RABGAP1: variants seen among roughly 807,000 people sequenced by gnomAD.
The protein encoded by RABGAP1 is rab GTPase-activating protein 1.
Under a neutral mutation model 137.6 loss-of-function variants are expected in RABGAP1, and 23 were observed. The ratio of observed to expected loss-of-function variants is 0.17; its 90% confidence interval spans 0.12 to 0.24. The LOEUF (loss-of-function observed/expected upper bound fraction) is 0.24. RABGAP1 is among the 10% of genes least tolerant of loss of function. The probability of loss-of-function intolerance (pLI) is 1.00; values close to 1 mark genes in which losing one functional copy is unlikely to be tolerated. For missense variants in RABGAP1, 906 were observed against 1,275.8 expected, an observed-to-expected ratio of 0.71 and a Z score of 4.42; for synonymous variants, 451 against 450.7, an observed-to-expected ratio of 1.00 and a Z score of -0.01.
At chr9:123,039,688 G>A (rs760485837) in intron 13 of RABGAP1, among the ~76,000 whole-genome samples, 1 of 152,186 alleles carries the variant, frequency 6.6e-6, no homozygotes, top group East Asian at 1.9e-4. Context: ...ACTTCAGGCA[G>A]TGCTTTCAAA....
intron 13 of RABGAP1, among the ~76,000 whole-genome samples, chr9:123,041,748 A>G (rs2032962766): frequency 6.6e-6 from 1 of 152,206 alleles, no homozygotes; most frequent in Non-Finnish European, 1.5e-5. Flanking sequence ...GAGGAAGAGG[A>G]GCAAAAAGAA....
At chr9:123,041,397 G>T (rs1355980322) in intron 13 of RABGAP1, among the ~76,000 whole-genome samples, 9 of 152,110 alleles carry the variant, frequency 5.9e-5, no homozygotes, top group Non-Finnish European at 1.2e-4. Flanking sequence ...TATAGGTGAG[G>T]AAACATAGGC....
intron 1 of RABGAP1, among the ~76,000 whole-genome samples, chr9:122,953,309 A>G (rs1174190984): frequency 6.6e-6 from 1 of 152,114 alleles, no homozygotes; most frequent in Non-Finnish European, 1.5e-5. Context: ...TTAGTAATTT[A>G]TACAGTAGCT....
At chr9:122,983,856 C>T (rs1458399157) in intron 2 of RABGAP1, among the ~76,000 whole-genome samples, 5 of 152,202 alleles carry the variant, frequency 3.3e-5, no homozygotes. Context: ...AATAACCCAT[C>T]ATGACTCCAT....
At position 122,987,150 on chromosome 9, in the gene RABGAP1, G is replaced by GA. The variant is rs551821003; in HGVS notation, c.590+740dup. Among the ~76,000 whole-genome samples the GA allele has an allele frequency of 1.8e-4, 27 of 149,270 alleles. No homozygotes were observed. In the South Asian group the frequency reaches 4.9e-3, roughly 27 times the overall value. On this transcript the variant is annotated intron_variant, in intron 4 of 25. Coordinates refer to ENST00000373647, the MANE Select transcript of RABGAP1 (RefSeq NM_012197.4). The stretch of plus-strand genomic sequence containing the variant: ...AGACCCTGTCTCAACAAAGCAAAAT[G>GA]AAAAAAAAAGATGAGAAAACTGAGG...
chr9:122,933,169 G>A, the RABGAP1 span, among the ~76,000 whole-genome samples: 1 of 152,064 alleles, frequency 6.6e-6, no homozygotes, highest in Non-Finnish European at 1.5e-5. Context: ...ACTGAAAATG[G>A]GGTATTGTAG....
At chr9:123,094,274 C>T (rs549683919) in intron 21 of RABGAP1, among the ~76,000 whole-genome samples, 1 of 152,232 alleles carries the variant, frequency 6.6e-6, no homozygotes, top group East Asian at 1.9e-4. Flanking sequence ...CAGAATGATG[C>T]TGAATGGTTA....
chr9:122,941,468 C>T (rs1833560979), intron 1 of RABGAP1, among the ~76,000 whole-genome samples: 2 of 152,196 alleles, frequency 1.3e-5, no homozygotes, highest in African/African-American at 4.8e-5. Context: ...TTTGGGAATC[C>T]AGCCGCTCCC....
At chr9:122,992,269 C>T (rs1309230533) in intron 6 of RABGAP1, among the ~76,000 whole-genome samples, 3 of 152,106 alleles carry the variant, frequency 2.0e-5, no homozygotes, top group East Asian at 3.9e-4. Context: ...AAACTCCCGG[C>T]CTCAAGTGAT....
chr9:122,965,168 G>C (rs1835073085), intron 2 of RABGAP1, among the ~76,000 whole-genome samples: 1 of 152,074 alleles, frequency 6.6e-6, no homozygotes, highest in Non-Finnish European at 1.5e-5. Flanking sequence ...ATAAAATACT[G>C]ATACATGCTA....
At chr9:123,035,160 G>A in intron 13 of RABGAP1, 2 of 1,613,972 alleles carry the variant, frequency 1.2e-6, no homozygotes, top group Non-Finnish European at 1.7e-6. Flanking sequence ...TCGTGATGAT[G>A]TTATATGCCC....
chr9:122,961,947 A>T (rs1284196952), intron 2 of RABGAP1, among the ~76,000 whole-genome samples: 1 of 152,352 alleles, frequency 6.6e-6, no homozygotes, highest in Non-Finnish European at 1.5e-5. Flanking sequence ...ACCAGAAACG[A>T]TAAATAAGAA....
intron 13 of RABGAP1, among the ~76,000 whole-genome samples, chr9:123,036,563 A>G (rs187745947): frequency 1.1e-4 from 17 of 152,342 alleles, no homozygotes; most frequent in Non-Finnish European, 2.1e-4. Flanking sequence ...TTAGAACATC[A>G]GGGAGAAGGG....
intron 11 of RABGAP1, among the ~76,000 whole-genome samples, 175 bp from the exon 12 acceptor site, chr9:123,015,368 A>G (rs551235489): frequency 6.7e-6 from 1 of 149,398 alleles, no homozygotes; most frequent in East Asian, 2.0e-4. Flanking sequence ...AGGTTACAGC[A>G]TTTTACCTAG....
chr9:123,009,567 T>A (rs902686330), intron 10 of RABGAP1, among the ~76,000 whole-genome samples: 1 of 152,224 alleles, frequency 6.6e-6, no homozygotes, highest in Non-Finnish European at 1.5e-5. Flanking sequence ...ACCTTCCTTA[T>A]ATGGAAGGAA....
intron 2 of RABGAP1, among the ~76,000 whole-genome samples, chr9:122,980,159 C>T (rs1490751746): frequency 6.6e-6 from 1 of 152,178 alleles, no homozygotes; most frequent in Non-Finnish European, 1.5e-5. Context: ...TGAGTAGCTG[C>T]AAGAGAGACT....
rs1348269012 is a variant in RABGAP1, at chr9:123,103,336, G to A, written c.*123G>A. The A allele has an allele frequency of 1.0e-5, 15 of 1,436,166 alleles. No individual in the cohort carries two copies. Among genetic ancestry groups the A allele is most frequent in the Admixed American group, 8.1e-5 (4 of 49,314 alleles). 89.0% of individuals were successfully genotyped at this position (1,436,166 alleles called of 1,614,324 possible). ...ATGTACCTAAGTCAGATCCATAGACGCATGTTGGTAGGTCACTGGACCAGA... is the reference window on the plus strand; with the variant it reads ...ATGTACCTAAGTCAGATCCATAGACACATGTTGGTAGGTCACTGGACCAGA... On this transcript the variant is annotated 3_prime_UTR_variant, in exon 26 of 26. Coordinates refer to ENST00000373647, the MANE Select transcript of RABGAP1 (RefSeq NM_012197.4).
In RABGAP1 at chr9:123,104,119, A is replaced by G. The variant is rs1479110349; in HGVS notation, c.*906A>G. On this transcript the variant is annotated 3_prime_UTR_variant, in exon 26 of 26. Coordinates refer to ENST00000373647, the MANE Select transcript of RABGAP1 (RefSeq NM_012197.4). ...TTATTCGAGCACTTAATTTCACTCA[A>G]GGTTCATTGGGCTCTGCTCTCCTCC... is the stretch of plus-strand genomic sequence containing the variant. The G allele has an allele frequency of 6.6e-6, 1 of 152,524 alleles. No homozygotes were observed. Among genetic ancestry groups the G allele is most frequent in the Non-Finnish European group, 1.5e-5 (1 of 68,034 alleles). The allele number at this position is 152,524 out of a possible 1,614,324, so 9.4% of individuals were successfully genotyped here.
intron 19 of RABGAP1, among the ~76,000 whole-genome samples, chr9:123,083,992 C>A (rs2034792207): frequency 6.6e-6 from 1 of 152,138 alleles, no homozygotes; most frequent in Non-Finnish European, 1.5e-5. Context: ...CAGGAATCAC[C>A]CCAAACTTGC....
Sources: allele counts gnomAD v4.1 joint callset (sites outside exome capture counted in the v4.1 genomes callset), GRCh38; gene constraint gnomAD v4.1.1; transcripts MANE v1.5; gene names NCBI Gene and HGNC (gene_info 2026-07-23, HGNC 2026-07-21).